The following KDM4C variants were observed in gnomAD, a reference collection of about 807,000 sequenced individuals.
KDM4C encodes lysine-specific demethylase 4C.
A neutral mutation model predicts 129.3 loss-of-function variants in KDM4C; 81 were observed. The ratio of observed to expected loss-of-function variants is 0.63; its 90% CI spans 0.52 to 0.75. The LOEUF is 0.75. Among genes scored for constraint, KDM4C ranks in the 30% least tolerant of loss-of-function variants. KDM4C has a pLI of 0.00. For synonymous variants in KDM4C, 573 were observed against 456.1 expected, an observed-to-expected ratio of 1.26 and a Z score of -3.26; for missense variants, 1,457 against 1,304.0, an observed-to-expected ratio of 1.12 and a Z score of -1.81.
At chr9:6,983,573 GACACACACACAC>G (rs56086219) in intron 9 of KDM4C, among the ~76,000 whole-genome samples, 39,248 of 142,622 alleles carry the variant, frequency 0.28, 5,631 homozygotes, top group Middle Eastern at 0.38. Flanking sequence ...GTGTCTTTAT[GACACACACACAC>G]ACACACACAC....
chr9:6,888,253 T>G (rs1470678087), intron 7 of KDM4C, among the ~76,000 whole-genome samples, 190 bp downstream of exon 7: 1 of 152,204 alleles, frequency 6.6e-6, no homozygotes. Flanking sequence ...ATATATTTAC[T>G]AGAGATTTCA....
chr9:6,998,486 A>G (rs1335275919), intron 12 of KDM4C, among the ~76,000 whole-genome samples: 10 of 152,176 alleles, frequency 6.6e-5, no homozygotes, highest in Admixed American at 6.5e-4. Context: ...TCTAGTTCAC[A>G]TTTCTTTTAT....
intron 4 of KDM4C, among the ~76,000 whole-genome samples, chr9:6,830,223 A>G (rs1834584789): frequency 6.6e-6 from 1 of 152,372 alleles, no homozygotes; most frequent in South Asian, 2.1e-4. Flanking sequence ...ATGTGAGGAA[A>G]CCAGGATAAC....
rs73398944 is a variant in KDM4C at position 7,147,020 on chromosome 9, C to T, written c.2782-18218C>T. Reference sequence around the variant, plus strand: ...ATGGGAATTAAATCTAGATGTGATTCACTCAATATTCACTAGCTGCCAGGA... The same window carrying T: ...ATGGGAATTAAATCTAGATGTGATTTACTCAATATTCACTAGCTGCCAGGA... On this transcript the variant is annotated intron_variant, in intron 19 of 21. Transcript: ENST00000381309. Among the ~76,000 whole-genome samples, 1,069 of 152,292 alleles carry T rather than the reference C, an allele frequency of 7.0e-3. 11 individuals are homozygous for T. The highest frequency in any genetic ancestry group is 0.024 in the African/African-American group (1,009 of 41,550).
In KDM4C at chr9:7,170,380, C is replaced by G; in HGVS notation, c.2994+490C>G. The G allele has an allele frequency of 6.0e-6, 6 of 999,852 alleles. No homozygotes were observed. In the South Asian group the frequency reaches 2.2e-4, roughly 36 times the overall value. The allele number at this position is 999,852 out of a possible 1,614,324, so 61.9% of individuals were successfully genotyped here. A position where few individuals can be genotyped will look rare whatever the true frequency, so the allele number is the denominator to read the frequency against. On this transcript the variant is annotated intron_variant, in intron 21 of 21. Transcript: ENST00000381309. ...TGTGTCAGTTCATCATTAAGCTAAA[C>G]TCTGACTTTCATAATAAAAGGGATA...
At chr9:6,960,129 T>C (rs1829781086) in intron 8 of KDM4C, among the ~76,000 whole-genome samples, 2 of 152,008 alleles carry the variant, frequency 1.3e-5, no homozygotes, top group Admixed American at 1.3e-4. Context: ...GAGAAAAAGC[T>C]TGGCCAATAT....
intron 3 of KDM4C, 112 bp downstream of exon 3, chr9:6,805,886 AT>A (rs1829877789): frequency 3.3e-6 from 3 of 919,984 alleles, no homozygotes; most frequent in Non-Finnish European, 4.7e-6. Context: ...CTCCCATGCA[AT>A]TTTTCACCCT....
chr9:6,847,408 T>A (rs906118712), intron 4 of KDM4C, among the ~76,000 whole-genome samples: 1 of 151,604 alleles, frequency 6.6e-6, no homozygotes, highest in African/African-American at 2.4e-5. Context: ...CTTTTTTTGT[T>A]TTTTTTTTGA....
chr9:6,816,659 C>T (rs1198091880), intron 4 of KDM4C, among the ~76,000 whole-genome samples: 1 of 152,094 alleles, frequency 6.6e-6, no homozygotes, highest in Non-Finnish European at 1.5e-5. Context: ...TTCAAGTTTC[C>T]TTTGCCCCAC....
rs1314948041 is a variant in KDM4C at position 6,805,646 on chromosome 9, T to C, written c.192T>C (p.Ile64=). Residue 64 remains isoleucine, a synonymous_variant, in exon 3 of 22, where the codon ATT becomes ATC. Transcript: ENST00000381309. ...AGCCAAGACAGTGCTATGATGACATTGATAATTTGCTCATTCCAGCACCAA... is the reference window on the plus strand; with the variant it reads ...AGCCAAGACAGTGCTATGATGACATCGATAATTTGCTCATTCCAGCACCAA... ...EWKPRQCYDD[I]DNLLIPAPIQ... is the part of the protein sequence containing the mutation. The C allele has an allele frequency of 1.2e-6, 2 of 1,614,014 alleles. No homozygotes were observed.
chr9:7,037,179 C>T (rs1206385244), intron 15 of KDM4C, among the ~76,000 whole-genome samples: 3 of 152,080 alleles, frequency 2.0e-5, no homozygotes, highest in East Asian at 3.8e-4. Context: ...CCCTATTTTA[C>T]GGTTTTGTGT....
At chr9:7,074,866 T>C (rs1833708140) in intron 17 of KDM4C, among the ~76,000 whole-genome samples, 1 of 152,144 alleles carries the variant, frequency 6.6e-6, no homozygotes. Flanking sequence ...TGAATGCACA[T>C]TTTACATGAA....
At chr9:6,784,404 G>A (rs904836520) in intron 1 of KDM4C, among the ~76,000 whole-genome samples, 6 of 151,992 alleles carry the variant, frequency 3.9e-5, no homozygotes, top group African/African-American at 1.5e-4. Context: ...AATTTTTTTT[G>A]TATTATTAGT....
intron 18 of KDM4C, among the ~76,000 whole-genome samples, chr9:7,105,792 C>T (rs1339687341): frequency 1.3e-5 from 2 of 152,270 alleles, no homozygotes; most frequent in African/African-American, 4.8e-5. Flanking sequence ...TTAATCAGGA[C>T]CTCATTCCTC....
chr9:6,922,060 GCCCA>G (rs1460770099), intron 8 of KDM4C, among the ~76,000 whole-genome samples: 2 of 152,158 alleles, frequency 1.3e-5, no homozygotes, highest in African/African-American at 4.8e-5. Context: ...ACACCTGTAT[GCCCA>G]GTGCCTAGCA....
chr9:6,869,365 C>T (rs764205078), intron 5 of KDM4C, among the ~76,000 whole-genome samples: 8 of 152,202 alleles, frequency 5.3e-5, no homozygotes, highest in East Asian at 3.8e-4. Flanking sequence ...TTCTCCAGGC[C>T]GTACTCTTAG....
intron 17 of KDM4C, among the ~76,000 whole-genome samples, chr9:7,061,669 C>G (rs921029117): frequency 1.3e-5 from 2 of 152,200 alleles, no homozygotes; most frequent in Admixed American, 1.3e-4. Flanking sequence ...TCTCAGTGCT[C>G]CTTAGGGAAA....
At chr9:7,136,673 T>A (rs1841239898) in intron 19 of KDM4C, among the ~76,000 whole-genome samples, 1 of 152,268 alleles carries the variant, frequency 6.6e-6, no homozygotes, top group Non-Finnish European at 1.5e-5. Flanking sequence ...TACATTTTAT[T>A]GAGTTTTCTT....
intron 11 of KDM4C, among the ~76,000 whole-genome samples, chr9:6,990,094 C>G (rs2760656): frequency 0.99 from 151,245 of 152,308 alleles, 75,103 homozygotes; most frequent in East Asian, 1. Flanking sequence ...CCTAAATTTA[C>G]ATTAGTTGTA....
Sources: gnomAD v4.1 joint callset for allele counts (sites outside exome capture counted in the v4.1 genomes callset) on GRCh38, gnomAD v4.1.1 for gene constraint, MANE v1.5 for transcripts, NCBI Gene and HGNC (gene_info 2026-07-23, HGNC 2026-07-21) for gene names.